Variants in MAP3K7CL observed in about 807,000 individuals in gnomAD.
MAP3K7CL encodes MAP3K7 C-terminal like.
A neutral mutation model predicts 18.6 loss-of-function variants in MAP3K7CL; 16 were observed. That is an observed-to-expected ratio of 0.86 (90% CI 0.58 to 1.31). The LOEUF (loss-of-function observed/expected upper bound fraction) is 1.31, where lower values mean the gene tolerates loss of function less well. MAP3K7CL is among the 50% of genes most tolerant of loss of function. MAP3K7CL has a pLI of 0.00. For missense variants in MAP3K7CL, 163 were observed against 174.4 expected (o/e 0.93, Z 0.37); for synonymous variants, 65 against 66.8 (o/e 0.97, Z 0.13).
At chr21:29,099,940 G>C (rs547761820) in intron 4 of MAP3K7CL, among the ~76,000 whole-genome samples, 1 of 151,932 alleles carries the variant, frequency 6.6e-6, no homozygotes, top group African/African-American at 2.4e-5. Flanking sequence ...AAAATTAGCC[G>C]GGCGTGGTGG....
At chr21:29,132,196 T>C (rs144289694) in intron 1 of MAP3K7CL, among the ~76,000 whole-genome samples, 2,012 of 152,322 alleles carry the variant, frequency 0.013, 38 homozygotes, top group African/African-American at 0.046. Flanking sequence ...CATCAAATTA[T>C]CAAATATCTT....
At position 29,163,419 on chromosome 21, in the gene MAP3K7CL, G is replaced by A. The variant is rs529153069; in HGVS notation, c.248+3363G>A. On this transcript the variant is annotated intron_variant, in intron 4 of 4. Coordinates refer to ENST00000399928, the MANE Select transcript of MAP3K7CL (RefSeq NM_001286620.2). ...TTCTTCATTCTCACTTCTACCATTT[G>A]GGCTTGGGACTTATTACTTGAGATC... Among the ~76,000 whole-genome samples, 3 of 152,164 alleles carry A rather than the reference G, an allele frequency of 2.0e-5. No homozygotes were observed. In the East Asian group the frequency reaches 5.8e-4, roughly 29 times the overall value.
intron 2 of MAP3K7CL, 58 bp from the exon 3 acceptor site, chr21:29,149,131 A>T: frequency 7.1e-7 from 1 of 1,406,258 alleles, no homozygotes; most frequent in Non-Finnish European, 1.0e-6. Context: ...GGGGGAGTCC[A>T]AGGACTCCTA....
At chr21:29,166,304 C>G (rs934144500) in intron 4 of MAP3K7CL, among the ~76,000 whole-genome samples, 1 of 152,166 alleles carries the variant, frequency 6.6e-6, no homozygotes, top group Admixed American at 6.5e-5. Flanking sequence ...TCATGTCCTC[C>G]AGGTTCATCC....
At chr21:29,121,110 T>C (rs2086588188) in intron 4 of MAP3K7CL, among the ~76,000 whole-genome samples, 1 of 135,342 alleles carries the variant, frequency 7.4e-6, no homozygotes, top group African/African-American at 2.8e-5. Flanking sequence ...CCAACTTCAT[T>C]CATGAAACCG....
chr21:29,158,203 G>A (rs1601257596), intron 3 of MAP3K7CL, among the ~76,000 whole-genome samples: 1 of 152,268 alleles, frequency 6.6e-6, no homozygotes, highest in East Asian at 1.9e-4. Flanking sequence ...AGTGTAACAG[G>A]TGAAAATTGA....
At chr21:29,157,069 G>A (rs1048177080) in intron 3 of MAP3K7CL, among the ~76,000 whole-genome samples, 1 of 152,206 alleles carries the variant, frequency 6.6e-6, no homozygotes, top group Non-Finnish European at 1.5e-5. Context: ...ATGGGCTAGA[G>A]ACAGCAGAAA....
chr21:29,099,601 T>C (rs965664219), intron 4 of MAP3K7CL, among the ~76,000 whole-genome samples: 1 of 152,212 alleles, frequency 6.6e-6, no homozygotes, highest in Non-Finnish European at 1.5e-5. Flanking sequence ...AGCCTCACTG[T>C]ATTTAAGAGT....
chr21:29,167,727 T>C (rs2087725436), intron 4 of MAP3K7CL, among the ~76,000 whole-genome samples: 1 of 141,778 alleles, frequency 7.1e-6, no homozygotes, highest in Admixed American at 7.3e-5. Context: ...TGAGATAGAG[T>C]CTTGCTCTGT....
chr21:29,146,032 A>T (rs1004358386), intron 2 of MAP3K7CL, among the ~76,000 whole-genome samples: 1 of 152,020 alleles, frequency 6.6e-6, no homozygotes, highest in African/African-American at 2.4e-5. Flanking sequence ...TTTGCTATTT[A>T]CATTACTGTA....
rs1254342988 is a variant in MAP3K7CL at position 29,159,370 on chromosome 21, T to C, written c.133-571T>C. On this transcript the variant is annotated intron_variant, in intron 3 of 4. Coordinates refer to ENST00000399928, the MANE Select transcript of MAP3K7CL (RefSeq NM_001286620.2). ...ATGAATCTTATAGGGATGGTTTTTT[T>C]TTAGGGGGAGGGAGATCCGGCCTTT... Among the ~76,000 whole-genome samples, 5 of 152,160 alleles carry C rather than the reference T, an allele frequency of 3.3e-5. 1 individual carries two copies. In the South Asian group the frequency reaches 1.0e-3, roughly 32 times the overall value.
At chr21:29,113,356 T>C (rs2086452121) in intron 4 of MAP3K7CL, among the ~76,000 whole-genome samples, 1 of 152,294 alleles carries the variant, frequency 6.6e-6, no homozygotes, top group South Asian at 2.1e-4. Context: ...GTTGGGAAAT[T>C]GTAATTTTTA....
chr21:29,163,738 C>T (rs1033596443), intron 4 of MAP3K7CL, among the ~76,000 whole-genome samples: 7 of 150,176 alleles, frequency 4.7e-5, no homozygotes, highest in African/African-American at 1.7e-4. Flanking sequence ...CCCTGTCACC[C>T]AGGCTGGAGT....
intron 4 of MAP3K7CL, among the ~76,000 whole-genome samples, chr21:29,123,174 T>C (rs1051781722): frequency 6.6e-6 from 1 of 150,610 alleles, no homozygotes; most frequent in Non-Finnish European, 1.5e-5. Context: ...GTGATTCCCC[T>C]GCCTCAGCCT....
At chr21:29,132,144 A>T (rs1314524153) in intron 1 of MAP3K7CL, among the ~76,000 whole-genome samples, 1 of 152,232 alleles carries the variant, frequency 6.6e-6, no homozygotes, top group Non-Finnish European at 1.5e-5. Flanking sequence ...AATAAGAAAG[A>T]TATCATGTAT....
chr21:29,130,929 C>A lies in MAP3K7CL; in HGVS notation c.-40+6C>A. The stretch of plus-strand genomic sequence containing the variant: ...CAGACACTCAACTAAGTGAGGTAAG[C>A]CAACAGGTGTGAAAACTGAACTAAA... On this transcript the variant is annotated splice_donor_region_variant and intron_variant, in intron 1 of 4. Coordinates refer to ENST00000399928, the MANE Select transcript of MAP3K7CL (RefSeq NM_001286620.2). 4 of 985,300 alleles carry A rather than the reference C, an allele frequency of 4.1e-6. No homozygotes were observed. In the South Asian group the frequency reaches 1.9e-4, roughly 46 times the overall value. The allele number at this position is 985,300 out of a possible 1,614,324, so 61.0% of individuals were successfully genotyped here.
intron 4 of MAP3K7CL, among the ~76,000 whole-genome samples, chr21:29,172,146 C>T (rs1232908569): frequency 6.6e-6 from 1 of 151,544 alleles, no homozygotes; most frequent in Non-Finnish European, 1.5e-5. Flanking sequence ...ATTTAATTCA[C>T]AGTCCATATT....
intron 4 of MAP3K7CL, among the ~76,000 whole-genome samples, chr21:29,097,322 A>G (rs117032577): frequency 6.6e-6 from 1 of 152,160 alleles, no homozygotes; most frequent in South Asian, 2.1e-4. Context: ...TATAAGCTAT[A>G]GGGTAGTAGA....
At chr21:29,167,275 A>G (rs148894963) in intron 4 of MAP3K7CL, among the ~76,000 whole-genome samples, 85 of 152,326 alleles carry the variant, frequency 5.6e-4, no homozygotes, top group African/African-American at 1.9e-3. Flanking sequence ...GAAAAATGTT[A>G]CATAATTTTA....
Sources: gnomAD v4.1 joint callset for allele counts (sites outside exome capture counted in the v4.1 genomes callset) on GRCh38, gnomAD v4.1.1 for gene constraint, MANE v1.5 for transcripts, NCBI Gene and HGNC (gene_info 2026-07-23, HGNC 2026-07-21) for gene names.